Variants in TANC2 observed in about 807,000 individuals in gnomAD.
TANC2 encodes protein TANC2.
TANC2 carries 26 observed loss-of-function variants against 210.5 expected under a neutral mutation model. The observed-to-expected ratio is 0.12, with a 90% CI of 0.09 to 0.17. TANC2 has a LOEUF of 0.17. TANC2 is among the 10% of genes least tolerant of loss of function. The pLI, the probability that TANC2 is intolerant of heterozygous loss-of-function variation, is 1.00. For missense variants in TANC2, 2,129 were observed against 2,608.9 expected (o/e 0.82, Z 4.01); for synonymous variants, 931 against 967.1 (o/e 0.96, Z 0.69).
At chr17:63,377,312 T>G (rs1426579884) in intron 14 of TANC2, among the ~76,000 whole-genome samples, 1 of 152,220 alleles carries the variant, frequency 6.6e-6, no homozygotes, top group East Asian at 1.9e-4. Flanking sequence ...TGGGTTTTTA[T>G]TTTCTATTGC....
At chr17:63,031,189 A>T (rs1270540755) in intron 2 of TANC2, among the ~76,000 whole-genome samples, 2 of 152,084 alleles carry the variant, frequency 1.3e-5, no homozygotes, top group African/African-American at 4.8e-5. Context: ...ATAGGAGTGG[A>T]TGGGAGATTT....
At chr17:63,195,642 C>G (rs955747227) in intron 6 of TANC2, among the ~76,000 whole-genome samples, 3 of 152,254 alleles carry the variant, frequency 2.0e-5, no homozygotes, top group South Asian at 2.1e-4. Flanking sequence ...ACTAGGTGCA[C>G]AGTAGGTATT....
At chr17:62,983,232 AT>A (rs1038300726) in intron 1 of TANC2, among the ~76,000 whole-genome samples, 1 of 151,456 alleles carries the variant, frequency 6.6e-6, no homozygotes, top group Non-Finnish European at 1.5e-5. Flanking sequence ...TGCCTTCTGG[AT>A]TTTTTTTAGC....
intron 9 of TANC2, among the ~76,000 whole-genome samples, chr17:63,298,520 G>A (rs1282670179): frequency 2.6e-5 from 4 of 152,148 alleles, no homozygotes; most frequent in Admixed American, 6.5e-5. Context: ...TGCCAGAGAC[G>A]TGGGAAGGGA....
intron 4 of TANC2, among the ~76,000 whole-genome samples, chr17:63,118,928 G>A (rs186487109): frequency 7.9e-5 from 12 of 151,798 alleles, no homozygotes; most frequent in East Asian, 1.9e-4. Context: ...GACTACAGGC[G>A]CCCACCACCA....
At chr17:63,249,928 A>G (rs1210876428) in intron 8 of TANC2, among the ~76,000 whole-genome samples, 1 of 152,176 alleles carries the variant, frequency 6.6e-6, no homozygotes, top group East Asian at 1.9e-4. Flanking sequence ...TTCCAAACTC[A>G]GTATAGAGTT....
At chr17:63,253,546 T>C (rs550074226) in intron 8 of TANC2, among the ~76,000 whole-genome samples, 5 of 152,332 alleles carry the variant, frequency 3.3e-5, no homozygotes, top group Admixed American at 2.6e-4. Flanking sequence ...TTCTTCAGTG[T>C]TTTACTTTAA....
chr17:63,311,072 T>C (rs1032728955), intron 9 of TANC2, among the ~76,000 whole-genome samples: 2 of 152,206 alleles, frequency 1.3e-5, no homozygotes, highest in African/African-American at 4.8e-5. Flanking sequence ...ACTTAATCTC[T>C]TTTTGCCTCT....
intron 1 of TANC2, among the ~76,000 whole-genome samples, chr17:62,981,319 T>TC (rs1443619389): frequency 6.6e-6 from 1 of 152,194 alleles, no homozygotes; most frequent in Non-Finnish European, 1.5e-5. Context: ...ACTGTCTTTT[T>TC]CTCTGTTGAA....
At position 63,055,920 on chromosome 17, in the gene TANC2, G is replaced by C. The variant is rs183000272; in HGVS notation, c.68-18023G>C. 3.0e-5 allele frequency among the ~76,000 whole-genome samples: 4 copies of C among 133,898 alleles called. No homozygotes were observed. In the Admixed American group the frequency reaches 3.2e-4, roughly 11 times the overall value. The allele number at this position is 133,898 out of a possible 152,430, so 87.8% of individuals were successfully genotyped here. On this transcript the variant is annotated intron_variant, in intron 2 of 27. Transcript: ENST00000689528. ...AGGTGGGAGGATCACTTGAGCTCAGGAGTTTGAGACCAACTTGTACAACGT... is the reference window on the plus strand; with the variant it reads ...AGGTGGGAGGATCACTTGAGCTCAGCAGTTTGAGACCAACTTGTACAACGT...
chr17:63,342,487 A>T (rs1035874252), intron 12 of TANC2, among the ~76,000 whole-genome samples: 1 of 152,174 alleles, frequency 6.6e-6, no homozygotes, highest in African/African-American at 2.4e-5. Flanking sequence ...TGATACAAGG[A>T]TCTACACCTT....
chr17:63,379,712 T>G lies in TANC2; in HGVS notation c.2583-6T>G. ...TTAATTAAAATGAATTTCTCTTTTT[T>G]TGCAGGAGTGGTCACACGTTACTTG... On this transcript the variant is annotated splice_region_variant and splice_polypyrimidine_tract_variant and intron_variant, in intron 14 of 27. Coordinates refer to ENST00000689528, the Ensembl canonical transcript of TANC2. The G allele has an allele frequency of 3.2e-6, 5 of 1,582,216 alleles. No homozygotes were observed. The highest frequency in any genetic ancestry group is 3.4e-6 in the Non-Finnish European group (4 of 1,166,128).
Position 63,286,447 on chromosome 17 carries a change from C to G in TANC2, c.1159+18574C>G, listed in dbSNP as rs1048928131. On this transcript the variant is annotated intron_variant, in intron 9 of 27. Coordinates refer to ENST00000689528, the Ensembl canonical transcript of TANC2. ...TAAAACTACAGATCCACTGCCTTCT[C>G]ACTTGCATTATTTGTGACAGGGAAT... Among the ~76,000 whole-genome samples the G allele has an allele frequency of 3.3e-5, 5 of 152,290 alleles. No individual in the cohort carries two copies. The East Asian group carries it at 9.7e-4, about 29-fold the overall frequency.
At chr17:63,036,152 T>C (rs886172154) in intron 2 of TANC2, among the ~76,000 whole-genome samples, 14 of 152,198 alleles carry the variant, frequency 9.2e-5, no homozygotes, top group Admixed American at 3.3e-4. Flanking sequence ...TTGATAAAGT[T>C]CATTTTTCTT....
rs74970528 is a variant in TANC2 at position 63,079,012 on chromosome 17, A to G, written c.139+4998A>G. Reference sequence around the variant, plus strand: ...TCAGGCTATAACTGTGGATTTGTCTATTTCTCCTTGCAGTTCTGTCACATT... The same window carrying G: ...TCAGGCTATAACTGTGGATTTGTCTGTTTCTCCTTGCAGTTCTGTCACATT... On this transcript the variant is annotated intron_variant, in intron 3 of 27. Transcript: ENST00000689528. 4.6e-5 allele frequency among the ~76,000 whole-genome samples: 7 copies of G among 152,188 alleles called. No homozygotes were observed. The East Asian group carries it at 9.7e-4, about 21-fold the overall frequency.
At chr17:63,235,337 A>G (rs2042591404) in intron 7 of TANC2, among the ~76,000 whole-genome samples, 1 of 152,070 alleles carries the variant, frequency 6.6e-6, no homozygotes, top group Non-Finnish European at 1.5e-5. Flanking sequence ...AAGATTTTAC[A>G]ACTAATCACT....
At chr17:63,196,151 G>T (rs1458689895) in intron 6 of TANC2, among the ~76,000 whole-genome samples, 1 of 152,182 alleles carries the variant, frequency 6.6e-6, no homozygotes, top group Non-Finnish European at 1.5e-5. Flanking sequence ...TACATTACAT[G>T]TTTAGTTGTG....
intron 5 of TANC2, among the ~76,000 whole-genome samples, chr17:63,159,887 G>A (rs2039967197): frequency 6.6e-6 from 1 of 152,194 alleles, no homozygotes; most frequent in Admixed American, 6.5e-5. Context: ...CATAGATTGG[G>A]TGGCTTAAAC....
intron 2 of TANC2, among the ~76,000 whole-genome samples, chr17:63,017,804 T>C (rs1598261611): frequency 6.6e-6 from 1 of 152,244 alleles, no homozygotes; most frequent in Non-Finnish European, 1.5e-5. Flanking sequence ...GAAAAATGTT[T>C]CTTATAATTT....
Sources: allele counts gnomAD v4.1 joint callset (sites outside exome capture counted in the v4.1 genomes callset), GRCh38; gene constraint gnomAD v4.1.1; transcripts MANE v1.5; gene names NCBI Gene and HGNC (gene_info 2026-07-23, HGNC 2026-07-21).